The following RBBP8 variants were observed in gnomAD, a reference collection of about 807,000 sequenced individuals.
RBBP8 encodes RB binding protein 8, endonuclease, also known as DNA endonuclease RBBP8.
Under a neutral mutation model 108.3 loss-of-function variants are expected in RBBP8, and 88 were observed. The observed-to-expected ratio is 0.81, with a 90% CI of 0.68 to 0.97. The LOEUF is 0.97. RBBP8 is among the 50% of genes least tolerant of loss of function. The pLI is 0.00. For missense variants in RBBP8, 1,023 were observed against 1,049.0 expected, an observed-to-expected ratio of 0.98 and a Z score of 0.34; for synonymous variants, 332 against 348.2, an observed-to-expected ratio of 0.95 and a Z score of 0.52.
chr18:22,993,807 A>G lies in RBBP8; in HGVS notation c.1899A>G (p.Pro633=), dbSNP rs1400631044. Residue 633 remains proline (P), a synonymous_variant, in exon 12 of 19, where the codon CCA becomes CCG. Transcript: ENST00000327155. ...TTGCATCAGTTCTTCAGTTAAATCCATGTAGAACTGGTAAAATAAAGTCTC... is the reference window on the plus strand; with the variant it reads ...TTGCATCAGTTCTTCAGTTAAATCCGTGTAGAACTGGTAAAATAAAGTCTC... ...CELASVLQLN[P]CRTGKIKSLQ... The G allele has an allele frequency of 9.9e-6, 16 of 1,613,628 alleles. No homozygotes were observed. Among genetic ancestry groups the G allele is most frequent in the Non-Finnish European group, 1.4e-5 (16 of 1,179,548 alleles).
intron 4 of RBBP8, among the ~76,000 whole-genome samples, chr18:22,955,587 T>A (rs1299989884): frequency 6.6e-6 from 1 of 151,434 alleles, no homozygotes; most frequent in African/African-American, 2.4e-5. Flanking sequence ...ATCTTTTTTT[T>A]TTTTTTTTGA....
At chr18:22,962,940 C>T (rs1426013308) in intron 4 of RBBP8, among the ~76,000 whole-genome samples, 1 of 152,130 alleles carries the variant, frequency 6.6e-6, no homozygotes, top group Non-Finnish European at 1.5e-5. Context: ...ATACAACTTA[C>T]TTTACTTTCC....
intron 6 of RBBP8, among the ~76,000 whole-genome samples, chr18:22,978,518 GT>G: frequency 6.7e-6 from 1 of 148,312 alleles, no homozygotes; most frequent in South Asian, 2.2e-4. Context: ...TTGTTTTTTT[GT>G]TTTTTCCTTT....
intron 3 of RBBP8, among the ~76,000 whole-genome samples, chr18:22,925,548 C>G (rs529645146): frequency 6.6e-6 from 1 of 152,128 alleles, no homozygotes; most frequent in Non-Finnish European, 1.5e-5. Flanking sequence ...CTGTGAAGCA[C>G]ATAATTACAT....
intron 16 of RBBP8, among the ~76,000 whole-genome samples, chr18:23,012,818 CTT>C (rs948265842): frequency 3.0e-4 from 45 of 152,288 alleles, no homozygotes; most frequent in African/African-American, 1.1e-3. Flanking sequence ...CCATCTATGA[CTT>C]TGATAACTAG....
In RBBP8 at chr18:22,992,795, C is replaced by G; in HGVS notation, c.968C>G (p.Thr323Ser). The change falls in exon 11 of 19, where the codon ACT (threonine) becomes AGT (serine). Residue 323 changes from threonine to serine, a missense_variant. Transcript: ENST00000327155. ...ACTCCTCCTCAAGAAGAATTACCTA[C>G]TCGAGTGTCATCTCCTGTATTTGGA... is the stretch of plus-strand genomic sequence containing the variant. ...SKTPPQEELP[T>S]RVSSPVFGAT... The G allele has an allele frequency of 1.2e-6, 2 of 1,605,050 alleles. No homozygotes were observed. The highest frequency in any genetic ancestry group is 2.7e-5 in the African/African-American group (2 of 74,784).
intron 2 of RBBP8, among the ~76,000 whole-genome samples, chr18:22,937,596 C>T (rs1033299192): frequency 6.6e-6 from 1 of 151,222 alleles, no homozygotes; most frequent in Non-Finnish European, 1.5e-5. Flanking sequence ...CTCAAGTGAG[C>T]CTCCCTCCTG....
upstream of RBBP8, among the ~76,000 whole-genome samples, chr18:22,932,956 T>C (rs1333603120): frequency 6.6e-6 from 1 of 152,210 alleles, no homozygotes; most frequent in Non-Finnish European, 1.5e-5. Flanking sequence ...GGCCGAAAAC[T>C]ATGTTAGACG....
Position 22,993,800 on chromosome 18 carries a change from T to A in RBBP8, c.1892T>A (p.Leu631Ter). 1 of 1,613,692 alleles carries A rather than the reference T, an allele frequency of 6.2e-7. No individual in the cohort carries two copies. Among genetic ancestry groups the A allele is most frequent in the Non-Finnish European group, 8.5e-7 (1 of 1,179,622 alleles). ...GGCELASVLQ[L>*]NPCRTGKIKS... ...TGTGAACTTGCATCAGTTCTTCAGT[T>A]AAATCCATGTAGAACTGGTAAAATA... Residue 631 changes from leucine to a stop codon, truncating the protein, a stop_gained, in exon 12 of 19, where the codon TTA (leucine) becomes TAA (stop). Transcript: ENST00000327155. LOFTEE classifies it high-confidence loss of function.
rs139578638 is a variant in RBBP8 at position 23,003,275 on chromosome 18, A to G, written c.2287+1546A>G. Among the ~76,000 whole-genome samples the G allele has an allele frequency of 3.4e-3, 514 of 152,330 alleles. 2 individuals carry two copies. Among genetic ancestry groups the G allele is most frequent in the African/African-American group, 0.012 (485 of 41,572 alleles). On this transcript the variant is annotated intron_variant, in intron 15 of 18. Coordinates refer to ENST00000327155, the MANE Select transcript of RBBP8 (RefSeq NM_002894.3). Reference sequence around the variant, plus strand: ...TTTTGCGTCTCTTCAGCTTAAACGTAATGTCTAAGCCAATTTCCATTTACT... The same window carrying G: ...TTTTGCGTCTCTTCAGCTTAAACGTGATGTCTAAGCCAATTTCCATTTACT...
In RBBP8 at chr18:23,011,255, T is replaced by C. The variant is rs1000460257; in HGVS notation, c.2357+4823T>C. 1.2e-4 allele frequency among the ~76,000 whole-genome samples: 19 copies of C among 152,332 alleles called. 1 individual carries two copies. Among genetic ancestry groups the C allele is most frequent in the African/African-American group, 4.3e-4 (18 of 41,570 alleles). ...ATGGTGCTTTATTGCACTTTGCAGA[T>C]ACTGTTTTTTACAAATTGAAGGTAT... On this transcript the variant is annotated intron_variant, in intron 16 of 18. Coordinates refer to ENST00000327155, the MANE Select transcript of RBBP8 (RefSeq NM_002894.3).
chr18:22,929,510 G>GTGTGT (rs147326546), upstream of RBBP8: 2 of 125,204 alleles, frequency 1.6e-5, no homozygotes, highest in African/African-American at 6.6e-5. Flanking sequence ...GTGTGTGTGT[G>GTGTGT]AAGAGACAGG....
intron 17 of RBBP8, 114 bp from the exon 18 acceptor site, chr18:23,022,015 T>C (rs1464832833): frequency 2.8e-5 from 24 of 842,734 alleles, no homozygotes; most frequent in Non-Finnish European, 4.4e-5. Flanking sequence ...TAAGTTTCCT[T>C]AGACTGCTGA....
chr18:22,998,953 A>G (rs1256490812), intron 14 of RBBP8, among the ~76,000 whole-genome samples: 1 of 152,208 alleles, frequency 6.6e-6, no homozygotes, highest in Non-Finnish European at 1.5e-5. Context: ...TTAAGAGGAT[A>G]CTTTGCTTTT....
Position 22,996,418 on chromosome 18 carries a change from G to A in RBBP8, c.1984G>A (p.Asp662Asn). 1 of 1,613,668 alleles carries A rather than the reference G, an allele frequency of 6.2e-7. No homozygotes were observed. Among genetic ancestry groups the A allele is most frequent in the Non-Finnish European group, 8.5e-7 (1 of 1,179,874 alleles). ...CCAGTGGAGTATAGATCCGGGAGCA[G>A]ACCTTTCTCAGTATAAAATGGATGT... ...NIQWSIDPGADLSQYKMDVTV... is the reference protein window; with the variant it reads ...NIQWSIDPGANLSQYKMDVTV... The change falls in exon 13 of 19, where the codon GAC becomes AAC. Residue 662 changes from aspartate (D) to asparagine (N), a missense_variant. Physicochemically the swap from Asp to Asn is conservative, Grantham distance 23. Transcript: ENST00000327155.
At chr18:23,024,536 G>A (rs919945683) in intron 18 of RBBP8, 2 of 152,112 alleles carry the variant, frequency 1.3e-5, no homozygotes, top group African/African-American at 4.8e-5. Context: ...TTTCTCCATG[G>A]TCCAAAGACC....
intron 4 of RBBP8, among the ~76,000 whole-genome samples, chr18:22,952,115 T>G (rs1344979398): frequency 6.6e-6 from 1 of 152,198 alleles, no homozygotes; most frequent in Non-Finnish European, 1.5e-5. Context: ...GGAGTGAGAT[T>G]GGAAATCTAG....
At chr18:22,922,906 A>T in intron 3 of RBBP8, among the ~76,000 whole-genome samples, 1 of 152,230 alleles carries the variant, frequency 6.6e-6, no homozygotes. Context: ...CCATATAATA[A>T]TACTATCTAA....
chr18:22,998,093 C>T (rs56344533), intron 14 of RBBP8, among the ~76,000 whole-genome samples: 26,721 of 151,934 alleles, frequency 0.18, 3,113 homozygotes, highest in African/African-American at 0.34. Flanking sequence ...ATGCAGAGAC[C>T]TTATAGCCCC....
Sources: allele counts gnomAD v4.1 joint callset (sites outside exome capture counted in the v4.1 genomes callset), GRCh38; gene constraint gnomAD v4.1.1; transcripts MANE v1.5; gene names NCBI Gene and HGNC (gene_info 2026-07-23, HGNC 2026-07-21).